Variants in MEF2D observed in about 807,000 individuals in gnomAD.
The protein encoded by MEF2D is myocyte enhancer factor 2D.
MEF2D carries 10 observed loss-of-function variants against 59.3 expected under a neutral mutation model. That is an observed-to-expected ratio of 0.17 (90% CI 0.10 to 0.29). MEF2D has a LOEUF of 0.29. MEF2D is among the 10% of genes least tolerant of loss of function. The probability of loss-of-function intolerance (pLI) is 1.00; values close to 1 mark genes in which losing one functional copy is unlikely to be tolerated. For synonymous variants in MEF2D, 305 were observed against 295.0 expected (o/e 1.03, Z -0.35); for missense variants, 508 against 699.4 (o/e 0.73, Z 3.09).
intron 6 of MEF2D, among the ~76,000 whole-genome samples, chr1:156,478,875 T>C (rs1671798830): frequency 6.6e-6 from 1 of 152,186 alleles, no homozygotes; most frequent in Non-Finnish European, 1.5e-5. Context: ...ACATCTAACA[T>C]CTGGATACTT....
At chr1:156,467,839 G>T in intron 11 of MEF2D, 154 bp downstream of exon 11, 1 of 1,093,650 alleles carries the variant, frequency 9.1e-7, no homozygotes. Context: ...TTTGGCAGGG[G>T]TGAAGGGGTG....
intron 3 of MEF2D, 60 bp from the exon 4 acceptor site, chr1:156,481,031 T>G: frequency 6.2e-7 from 1 of 1,604,582 alleles, no homozygotes; most frequent in Non-Finnish European, 8.5e-7. Flanking sequence ...CTCGCTGGAG[T>G]TCCTTCCAGC....
chr1:156,468,162 G>A lies in MEF2D; in HGVS notation c.1385C>T (p.Ala462Val), dbSNP rs767074542. The A allele has an allele frequency of 1.2e-6, 2 of 1,613,926 alleles. No homozygotes were observed. The highest frequency in any genetic ancestry group is 1.7e-6 in the Non-Finnish European group (2 of 1,179,840). ...APPPPAVFPA[A>V]RPEPGDGLSS... ...GAGACCATCGCCAGGCTCAGGGCGGGCAGCTGGGAACACAGCTGGAGGGGG... is the reference window on the plus strand; with the variant it reads ...GAGACCATCGCCAGGCTCAGGGCGGACAGCTGGGAACACAGCTGGAGGGGG... Residue 462 changes from alanine to valine, a missense_variant, in exon 11 of 12, where the codon GCC becomes GTC. Ala to Val is a moderately conservative substitution (Grantham distance 64). This residue lies in a region of MEF2D where 481 missense variants were observed against 584.7 expected (regional missense o/e 0.82). Coordinates refer to ENST00000348159, the MANE Select transcript of MEF2D (RefSeq NM_005920.4). This position sits in a 1 kb window ranked among gnomAD's most constrained non-coding sequence, Gnocchi z 4.3.
chr1:156,493,120 T>C (rs1239611293), intron 1 of MEF2D, among the ~76,000 whole-genome samples: 1 of 152,174 alleles, frequency 6.6e-6, no homozygotes. Flanking sequence ...AGGGCTGCTC[T>C]GGCTGAAGCA....
intron 8 of MEF2D, 28 bp from the exon 9 acceptor site, chr1:156,475,265 G>A (rs1466904281): frequency 6.4e-7 from 1 of 1,562,946 alleles, no homozygotes; most frequent in East Asian, 2.3e-5. Context: ...CCGTCAGGAG[G>A]TGGCTGACAG....
intron 1 of MEF2D, among the ~76,000 whole-genome samples, chr1:156,495,930 G>C (rs1321853708): frequency 2.0e-5 from 3 of 152,148 alleles, no homozygotes; most frequent in Non-Finnish European, 2.9e-5. Flanking sequence ...GTCCCACCTG[G>C]GTGTGGCCAG....
At chr1:156,472,306 C>T (rs978658919) in intron 9 of MEF2D, among the ~76,000 whole-genome samples, 4 of 152,196 alleles carry the variant, frequency 2.6e-5, no homozygotes, top group South Asian at 2.1e-4. Context: ...GATGGGGAGA[C>T]GGGCCCACAG....
intron 4 of MEF2D, among the ~76,000 whole-genome samples, chr1:156,480,469 C>T (rs1671923428): frequency 6.6e-6 from 1 of 152,282 alleles, no homozygotes; most frequent in Admixed American, 6.5e-5. Flanking sequence ...TGCTCCATCC[C>T]AGTAGAGTCT....
intron 9 of MEF2D, among the ~76,000 whole-genome samples, chr1:156,473,468 C>G (rs986771103): frequency 3.5e-4 from 53 of 152,200 alleles, no homozygotes; most frequent in Non-Finnish European, 1.3e-4. Context: ...CCTGACATAA[C>G]CATTCACATG....
At chr1:156,500,037 G>A (rs1346381109) in intron 1 of MEF2D, among the ~76,000 whole-genome samples, 4 of 152,080 alleles carry the variant, frequency 2.6e-5, no homozygotes, top group African/African-American at 4.8e-5. Flanking sequence ...ACCATTTCGG[G>A]CCAAGGAGGA....
intron 4 of MEF2D, 141 bp downstream of exon 4, chr1:156,480,693 T>C (rs763444199): frequency 1.3e-6 from 2 of 1,594,832 alleles, no homozygotes; most frequent in East Asian, 2.3e-5. Context: ...TCTATCTTTT[T>C]ATATTTCTCT....
intron 3 of MEF2D, 92 bp from the exon 4 acceptor site, chr1:156,481,063 T>C (rs1441719877): frequency 2.8e-5 from 44 of 1,564,064 alleles, no homozygotes; most frequent in Non-Finnish European, 3.7e-5. Flanking sequence ...GGCCCCCTAC[T>C]CTTCCCCGAC....
At chr1:156,492,325 C>T (rs931270656) in intron 1 of MEF2D, among the ~76,000 whole-genome samples, 2 of 152,218 alleles carry the variant, frequency 1.3e-5, no homozygotes, top group Admixed American at 1.3e-4. Context: ...CTTCTCAGGG[C>T]TGAGTCCTTG....
Position 156,468,263 on chromosome 1 carries a change from G to A in MEF2D, c.1284C>T (p.Leu428=). ...GSPLPHVGAA[L]TVTTHPHISI... ...TGATGTGGGGGTGGGTGGTGACTGT[G>A]AGGGCAGCACCCACGTGGGGCAGGG... Residue 428 remains leucine (L), a synonymous_variant, in exon 11 of 12, where the codon CTC becomes CTT. Coordinates refer to ENST00000348159, the MANE Select transcript of MEF2D (RefSeq NM_005920.4). This position sits in a 1 kb window ranked among gnomAD's most constrained non-coding sequence, Gnocchi z 4.3. The A allele has an allele frequency of 7.6e-6, 12 of 1,581,934 alleles. No individual in the cohort carries two copies. The highest frequency in any genetic ancestry group is 1.0e-5 in the Non-Finnish European group (12 of 1,161,550).
chr1:156,477,170 C>G lies in MEF2D; in HGVS notation c.697G>C (p.Gly233Arg). The G allele has an allele frequency of 6.2e-7, 1 of 1,611,814 alleles. No individual in the cohort carries two copies. The highest frequency in any genetic ancestry group is 8.5e-7 in the Non-Finnish European group (1 of 1,178,648). The change falls in exon 7 of 12, where the codon GGC (glycine) becomes CGC (arginine). Residue 233 changes from glycine to arginine, a missense_variant. By Grantham distance (125) the Gly-to-Arg change is moderately radical. Transcript: ENST00000348159. Reference sequence around the variant, plus strand: ...TTGCCATTGGCCACAGGGAGGAGGCCAGGGGAAGCCCGAGCACTGACGTAG... The same window carrying G: ...TTGCCATTGGCCACAGGGAGGAGGCGAGGGGAAGCCCGAGCACTGACGTAG... Reference protein sequence around the residue: ...NGYVSARASPGLLPVANGNSL... With the variant: ...NGYVSARASPRLLPVANGNSL...
At chr1:156,494,059 A>G (rs35592793) in intron 1 of MEF2D, among the ~76,000 whole-genome samples, 3 of 152,102 alleles carry the variant, frequency 2.0e-5, no homozygotes, top group Admixed American at 2.0e-4. Context: ...AGGTGACAGG[A>G]AAGTCTGAGA....
intron 1 of MEF2D, among the ~76,000 whole-genome samples, chr1:156,497,158 C>T (rs72994651): frequency 6.6e-6 from 1 of 152,206 alleles, no homozygotes. Flanking sequence ...GACCACAATA[C>T]AGTCAGACGT....
chr1:156,496,634 C>T (rs1673145321), intron 1 of MEF2D, among the ~76,000 whole-genome samples: 1 of 152,202 alleles, frequency 6.6e-6, no homozygotes, highest in Non-Finnish European at 1.5e-5. Context: ...CCGGTCCCCT[C>T]AACCCCATCC....
intron 1 of MEF2D, among the ~76,000 whole-genome samples, chr1:156,496,456 G>A (rs1289238508): frequency 6.6e-6 from 1 of 152,088 alleles, no homozygotes; most frequent in African/African-American, 2.4e-5. Context: ...TGGGGGAGGG[G>A]TAAGGGGCAG....
Sources: gnomAD v4.1 joint callset for allele counts (sites outside exome capture counted in the v4.1 genomes callset) on GRCh38, gnomAD v4.1.1 for gene constraint, gnomAD v4.1.1 regional missense constraint, Gnocchi (gnomAD v3.1) non-coding constraint, MANE v1.5 for transcripts, NCBI Gene and HGNC (gene_info 2026-07-23, HGNC 2026-07-21) for gene names.